RALGAPA2: variants seen among roughly 807,000 people sequenced by gnomAD.
RALGAPA2 encodes Ral GTPase activating protein catalytic subunit alpha 2.
In RALGAPA2, 139 loss-of-function variants were observed where a neutral mutation model predicts 230.4. The ratio of observed to expected loss-of-function variants is 0.60; its 90% CI spans 0.53 to 0.69. The LOEUF is 0.69. RALGAPA2 is among the 30% of genes least tolerant of loss of function. The pLI is 0.00. For synonymous variants in RALGAPA2, 847 were observed against 837.8 expected (o/e 1.01, Z -0.19); for missense variants, 2,163 against 2,276.0 (o/e 0.95, Z 1.01).
chr20:20,676,257 G>A lies in RALGAPA2; in HGVS notation c.249C>T (p.Asp83=). The change falls in exon 3 of 40, where the codon GAC becomes GAT. Residue 83 remains aspartate, a synonymous_variant. Coordinates refer to ENST00000202677, the MANE Select transcript of RALGAPA2 (RefSeq NM_020343.4). The part of the protein sequence containing the change: ...GNNKSQREEL[D]SILFLFEKIL... The stretch of plus-strand genomic sequence containing the variant: ...TTACTTCAAAAAGGAAGAGGATGGA[G>A]TCCAGCTCCTCCCTTTGTGACTTAT... 2 of 1,566,512 alleles carry A rather than the reference G, an allele frequency of 1.3e-6. No individual in the cohort carries two copies. The highest frequency in any genetic ancestry group is 1.4e-5 in the African/African-American group (1 of 73,882).
intron 21 of RALGAPA2, among the ~76,000 whole-genome samples, 183 bp from the exon 22 acceptor site, chr20:20,572,129 T>C (rs2064663169): frequency 6.6e-6 from 1 of 152,224 alleles, no homozygotes; most frequent in Non-Finnish European, 1.5e-5. Flanking sequence ...TGGCTTACTG[T>C]ATGTGGTTTT....
intron 26 of RALGAPA2, among the ~76,000 whole-genome samples, chr20:20,534,364 G>A (rs2063445674): frequency 6.6e-6 from 1 of 151,764 alleles, no homozygotes; most frequent in Non-Finnish European, 1.5e-5. Flanking sequence ...AGAATGGCGT[G>A]AACCCGGGAG....
At chr20:20,461,067 A>G (rs937140304) in intron 37 of RALGAPA2, among the ~76,000 whole-genome samples, 42 of 152,232 alleles carry the variant, frequency 2.8e-4, no homozygotes, top group African/African-American at 9.9e-4. Flanking sequence ...AATTATATGC[A>G]TTTGACAAAA....
chr20:20,649,954 C>G (rs1190745209), intron 4 of RALGAPA2, among the ~76,000 whole-genome samples: 1 of 152,080 alleles, frequency 6.6e-6, no homozygotes, highest in South Asian at 2.1e-4. Flanking sequence ...AAAATGACTT[C>G]AGAAAAAATT....
At chr20:20,642,065 A>G (rs1373823595) in intron 5 of RALGAPA2, among the ~76,000 whole-genome samples, 1 of 139,590 alleles carries the variant, frequency 7.2e-6, no homozygotes, top group Non-Finnish European at 1.5e-5. Context: ...CCAAGCAGGT[A>G]AAATGAGTGG....
At position 20,472,863 on chromosome 20, in the gene RALGAPA2, C is replaced by A. The variant is rs758874377; in HGVS notation, c.5461G>T (p.Ala1821Ser). The change falls in exon 37 of 40, where the codon GCT (alanine) becomes TCT (serine). Residue 1821 changes from alanine (A) to serine (S), a missense_variant. By Grantham distance (99) the Ala-to-Ser change is moderately conservative. Coordinates refer to ENST00000202677, the MANE Select transcript of RALGAPA2 (RefSeq NM_020343.4). ...VCATCINASR[A>S]VKCLIPLYQS... ...TAGAGTGGGATGAGGCACTTCACAG[C>A]CCTGCTGGCGTTGATGCACGTGGCA... 16 of 1,613,456 alleles carry A rather than the reference C, an allele frequency of 9.9e-6. No homozygotes were observed. In the East Asian group the frequency reaches 3.6e-4, roughly 36 times the overall value.
chr20:20,473,864 T>C (rs914143645), intron 36 of RALGAPA2, among the ~76,000 whole-genome samples: 1 of 152,184 alleles, frequency 6.6e-6, no homozygotes, highest in Non-Finnish European at 1.5e-5. Flanking sequence ...CTTATATTCA[T>C]TCACTTATTA....
intron 31 of RALGAPA2, among the ~76,000 whole-genome samples, chr20:20,515,525 C>A (rs1478525978): frequency 6.6e-6 from 1 of 152,222 alleles, no homozygotes; most frequent in Non-Finnish European, 1.5e-5. Context: ...GGGGAGACTA[C>A]CTTCAGAATA....
intron 23 of RALGAPA2, among the ~76,000 whole-genome samples, chr20:20,567,581 A>G (rs1324797957): frequency 1.3e-5 from 2 of 152,226 alleles, no homozygotes; most frequent in Non-Finnish European, 2.9e-5. Flanking sequence ...TGAATCAATA[A>G]AAGAAAACAT....
At position 20,629,532 on chromosome 20, in the gene RALGAPA2, G is replaced by A. The variant is rs377572290; in HGVS notation, c.1064C>T (p.Thr355Met). 24 of 1,613,718 alleles carry A rather than the reference G, an allele frequency of 1.5e-5. No individual in the cohort carries two copies. Among genetic ancestry groups the A allele is most frequent in the Non-Finnish European group, 1.8e-5 (21 of 1,179,886 alleles). Residue 355 changes from threonine (T) to methionine (M), a missense_variant, in exon 10 of 40, where the codon ACG becomes ATG. Thr to Met is a moderately conservative substitution (Grantham distance 81). Transcript: ENST00000202677. ...RAPELDGGGP[T>M]EQDKSHSNSS... Reference sequence around the variant, plus strand: ...GTTAGAATGGCTTTTGTCCTGCTCCGTGGGCCCACCACCATCCAGCTCAGG... The same window carrying A: ...GTTAGAATGGCTTTTGTCCTGCTCCATGGGCCCACCACCATCCAGCTCAGG...
intron 39 of RALGAPA2, among the ~76,000 whole-genome samples, chr20:20,394,916 GT>G (rs2059679669): frequency 8.1e-6 from 1 of 123,926 alleles, no homozygotes; most frequent in Non-Finnish European, 1.6e-5. Context: ...AAAAAGGCAA[GT>G]AAATGAAAGA....
intron 16 of RALGAPA2, chr20:20,598,643 G>A (rs546605678): frequency 2.3e-6 from 1 of 436,152 alleles, no homozygotes; most frequent in Non-Finnish European, 4.6e-6. Flanking sequence ...AGAAGCCCAG[G>A]AACAGTGATG....
chr20:20,395,976 T>C (rs959501414), intron 39 of RALGAPA2, among the ~76,000 whole-genome samples: 1 of 152,204 alleles, frequency 6.6e-6, no homozygotes, highest in Non-Finnish European at 1.5e-5. Flanking sequence ...CTTCCGCCTG[T>C]GAGCCTGGGA....
At chr20:20,600,642 G>A (rs1603016773) in intron 16 of RALGAPA2, among the ~76,000 whole-genome samples, 1 of 152,286 alleles carries the variant, frequency 6.6e-6, no homozygotes, top group Non-Finnish European at 1.5e-5. Context: ...TTTGTTTTAT[G>A]GCCAGAGGAT....
At chr20:20,653,456 C>T (rs2067480349) in intron 4 of RALGAPA2, 74 bp downstream of exon 4, 1 of 823,668 alleles carries the variant, frequency 1.2e-6, no homozygotes, top group East Asian at 2.7e-5. Context: ...TTGATGATAT[C>T]AATTATATAA....
chr20:20,700,026 G>A (rs140769567), intron 1 of RALGAPA2, among the ~76,000 whole-genome samples: 3 of 152,124 alleles, frequency 2.0e-5, no homozygotes, highest in East Asian at 3.9e-4. Context: ...ATTGCCATGC[G>A]ATTCACAACA....
At chr20:20,580,322 A>G (rs2064948323) in intron 20 of RALGAPA2, among the ~76,000 whole-genome samples, 1 of 152,178 alleles carries the variant, frequency 6.6e-6, no homozygotes, top group Non-Finnish European at 1.5e-5. Flanking sequence ...CTAGAGATAG[A>G]AGTCTATTCA....
chr20:20,571,963 A>G lies in RALGAPA2; in HGVS notation c.2902-17T>C, dbSNP rs1178573029. On this transcript the variant is annotated splice_polypyrimidine_tract_variant and intron_variant, in intron 21 of 39. Transcript: ENST00000202677. ...ATCCCGTATCTAATTCACAAAGAGG[A>G]GAATTTTAGGGTAGGTAACATTACG... 6.5e-7 allele frequency: 1 copy of G among 1,544,738 alleles called. No homozygotes were observed. Among genetic ancestry groups the G allele is most frequent in the Non-Finnish European group, 8.9e-7 (1 of 1,124,482 alleles).
At chr20:20,536,330 A>T (rs571835243) in intron 25 of RALGAPA2, among the ~76,000 whole-genome samples, 2 of 152,354 alleles carry the variant, frequency 1.3e-5, no homozygotes, top group South Asian at 4.1e-4. Context: ...TTATAAATTA[A>T]CTTGATGCAC....
Sources: allele counts gnomAD v4.1 joint callset (sites outside exome capture counted in the v4.1 genomes callset), GRCh38; gene constraint gnomAD v4.1.1; transcripts MANE v1.5; gene names NCBI Gene and HGNC (gene_info 2026-07-23, HGNC 2026-07-21).